Variants in SYTL5 observed in about 807,000 individuals in gnomAD.
The protein encoded by SYTL5 is synaptotagmin like 5.
A neutral mutation model predicts 55.9 loss-of-function variants in SYTL5; 34 were observed. The ratio of observed to expected loss-of-function variants is 0.61; its 90% confidence interval spans 0.46 to 0.81. The LOEUF is 0.81. SYTL5 is among the 30% of genes least tolerant of loss of function. SYTL5 has a pLI of 0.00. For missense variants in SYTL5, 637 were observed against 546.7 expected (o/e 1.17, Z -1.65); for synonymous variants, 221 against 188.7 (o/e 1.17, Z -1.40).
chrX:38,030,059 C>T (rs1934904890), intron 1 of SYTL5, among the ~76,000 whole-genome samples: 1 of 111,386 alleles, frequency 9.0e-6, no homozygotes, highest in African/African-American at 3.3e-5. Context: ...GGGAATCAGC[C>T]CATCTCCATA....
chrX:37,993,005 A>T, the SYTL5 span, among the ~76,000 whole-genome samples: 3 of 108,798 alleles, frequency 2.8e-5, no homozygotes, highest in African/African-American at 1.0e-4. Flanking sequence ...TCCAAATATA[A>T]AAAAAAAAAC....
chrX:37,904,181 C>G, the SYTL5 span, among the ~76,000 whole-genome samples: 635 of 107,393 alleles, frequency 5.9e-3, 5 homozygotes, highest in African/African-American at 0.021. Context: ...CACACTCACT[C>G]TCTGGGGAAT....
At chrX:38,113,414 C>T (rs1430400544) in intron 13 of SYTL5, among the ~76,000 whole-genome samples, 2 of 112,135 alleles carry the variant, frequency 1.8e-5, no homozygotes, top group Non-Finnish European at 3.8e-5. Flanking sequence ...TAAAGGCTCT[C>T]TCTTTTTTTG....
At chrX:38,110,627 T>A in intron 13 of SYTL5, 145 bp downstream of exon 13, 1 of 418,467 alleles carries the variant, frequency 2.4e-6, no homozygotes. Flanking sequence ...GGAATAATAT[T>A]ATAAAAATGT....
Position 38,110,365 on chromosome X carries a change from C to G in SYTL5, c.1479C>G (p.Leu493=), listed in dbSNP as rs140267111. 1.7e-6 allele frequency: 2 copies of G among 1,207,755 alleles called. No homozygotes were observed. The highest frequency in any genetic ancestry group is 5.9e-5 in the East Asian group (2 of 33,734). The change falls in exon 13 of 17, where the codon CTC becomes CTG. Residue 493 remains leucine, a synonymous_variant. Coordinates refer to ENST00000297875, the MANE Select transcript of SYTL5 (RefSeq NM_138780.3). The part of the protein sequence containing the change: ...HTQLETRTLQ[L]SVWHYDRFGR... ...AGCTGGAAACAAGAACTCTGCAGCT[C>G]TCAGTCTGGCACTATGATCGATTTG... is the stretch of plus-strand genomic sequence containing the variant.
intron 2 of SYTL5, among the ~76,000 whole-genome samples, chrX:38,049,767 T>C (rs756639636): frequency 3.3e-4 from 37 of 112,087 alleles, no homozygotes; most frequent in Non-Finnish European, 5.5e-4. Flanking sequence ...AGAACAGATA[T>C]TGGGAAACAC....
chrX:38,044,452 C>T (rs932111264), intron 2 of SYTL5, among the ~76,000 whole-genome samples: 1 of 111,919 alleles, frequency 8.9e-6, no homozygotes, highest in Non-Finnish European at 1.9e-5. Flanking sequence ...TTCAGTTATA[C>T]ATTTATAAAA....
chrX:38,102,259 TGAAA>T (rs72438514), intron 9 of SYTL5, 79 bp from the exon 10 acceptor site: 84,712 of 609,581 alleles, frequency 0.14, 4,447 homozygotes, highest in Middle Eastern at 0.17. Flanking sequence ...CAAATATTTA[TGAAA>T]GAAAGTGGTT....
At chrX:37,895,968 A>C in the SYTL5 span, among the ~76,000 whole-genome samples, 1 of 112,311 alleles carries the variant, frequency 8.9e-6, no homozygotes, top group African/African-American at 3.2e-5. Flanking sequence ...TTGCATGATT[A>C]TGCTCCCTCT....
intron 2 of SYTL5, among the ~76,000 whole-genome samples, chrX:38,043,671 A>T (rs1238093652): frequency 1.4e-5 from 1 of 69,330 alleles, no homozygotes; most frequent in Non-Finnish European, 2.4e-5. Flanking sequence ...GTATATATAT[A>T]TATATATATA....
At chrX:38,055,040 C>A (rs1347460524) in intron 3 of SYTL5, among the ~76,000 whole-genome samples, 1 of 111,653 alleles carries the variant, frequency 9.0e-6, no homozygotes, top group African/African-American at 3.3e-5. Flanking sequence ...TTCAAAACTT[C>A]CCCTGAGCAT....
chrX:37,991,138 G>C, the SYTL5 span: 1 of 1,211,599 alleles, frequency 8.3e-7, no homozygotes, highest in Non-Finnish European at 1.1e-6. Context: ...AGCGCTGAGA[G>C]TGATGTGACT....
At chrX:37,895,473 CCTCT>C in the SYTL5 span, among the ~76,000 whole-genome samples, 17 of 91,935 alleles carry the variant, frequency 1.8e-4, no homozygotes, top group South Asian at 3.3e-3. Flanking sequence ...TCCCTCCCTC[CCTCT>C]CTCTCTCTTT....
intron 3 of SYTL5, among the ~76,000 whole-genome samples, chrX:38,056,685 G>C (rs1012047287): frequency 1.8e-5 from 2 of 111,793 alleles, no homozygotes; most frequent in African/African-American, 6.5e-5. Flanking sequence ...GCTCATTGTA[G>C]TTTTGTCATG....
chrX:38,043,666 T>TATATATATATATATATATATATATAC (rs1394958055), intron 2 of SYTL5, among the ~76,000 whole-genome samples: 39 of 62,509 alleles, frequency 6.2e-4, no homozygotes, highest in Non-Finnish European at 9.0e-4. Context: ...TGTATGTATA[T>TATATATATATATATATATATATATAC]ATATATATAT....
the SYTL5 span, among the ~76,000 whole-genome samples, chrX:37,961,978 T>C: frequency 1.8e-5 from 2 of 111,930 alleles, no homozygotes; most frequent in Non-Finnish European, 3.8e-5. Context: ...CAAATGCCTC[T>C]GAAATGAGGT....
At chrX:38,094,162 T>C in intron 7 of SYTL5, 133 bp from the exon 8 acceptor site, 1 of 562,687 alleles carries the variant, frequency 1.8e-6, no homozygotes, top group South Asian at 5.9e-5. Context: ...GTGAGGGTCC[T>C]TCAAATGTCA....
the SYTL5 span, among the ~76,000 whole-genome samples, chrX:37,894,282 C>T: frequency 9.0e-6 from 1 of 111,615 alleles, no homozygotes; most frequent in Admixed American, 9.6e-5. Flanking sequence ...TTTGGCAGAA[C>T]ATGCACTAAT....
At chrX:38,063,041 C>T (rs1935998069) in intron 3 of SYTL5, among the ~76,000 whole-genome samples, 1 of 111,283 alleles carries the variant, frequency 9.0e-6, no homozygotes, top group African/African-American at 3.3e-5. Flanking sequence ...TAAATCCTTT[C>T]AAGTGCCCTC....
Sources: allele counts gnomAD v4.1 joint callset (sites outside exome capture counted in the v4.1 genomes callset), GRCh38; gene constraint gnomAD v4.1.1; transcripts MANE v1.5; gene names NCBI Gene and HGNC (gene_info 2026-07-23, HGNC 2026-07-21).